Variants in EYS observed in about 807,000 individuals in gnomAD.
EYS encodes the protein protein eyes shut homolog.
In EYS, 250 loss-of-function variants were observed where a neutral mutation model predicts 282.1. That is an observed-to-expected ratio of 0.89 (90% confidence interval 0.80 to 0.98). The LOEUF (loss-of-function observed/expected upper bound fraction) is 0.98. EYS is among the 50% of genes least tolerant of loss of function. The probability of loss-of-function intolerance (pLI) is 0.00; values close to 1 mark genes in which losing one functional copy is unlikely to be tolerated. For synonymous variants in EYS, 1,355 were observed against 1,282.9 expected, an observed-to-expected ratio of 1.06 and a Z score of -1.20; for missense variants, 4,016 against 3,709.0, an observed-to-expected ratio of 1.08 and a Z score of -2.15.
At chr6:63,987,848 C>T (rs942031341) in intron 34 of EYS, among the ~76,000 whole-genome samples, 10 of 151,496 alleles carry the variant, frequency 6.6e-5, no homozygotes, top group South Asian at 4.1e-4. Flanking sequence ...TATACTAATA[C>T]GTGCTGTTTT....
intron 2 of EYS, among the ~76,000 whole-genome samples, chr6:65,589,714 T>C (rs1008026454): frequency 1.1e-4 from 16 of 152,106 alleles, no homozygotes; most frequent in Non-Finnish European, 2.4e-4. Context: ...ATCTTAAAAG[T>C]ACATATTAAT....
At chr6:64,052,482 C>T (rs577812355) in intron 33 of EYS, among the ~76,000 whole-genome samples, 3 of 152,036 alleles carry the variant, frequency 2.0e-5, no homozygotes, top group African/African-American at 7.2e-5. Context: ...CTAAACTTTC[C>T]TGCATTTATG....
chr6:65,064,180 T>C (rs1437339965), intron 12 of EYS, among the ~76,000 whole-genome samples: 2 of 143,474 alleles, frequency 1.4e-5, no homozygotes, highest in South Asian at 2.1e-4. Flanking sequence ...ATATAATATA[T>C]AGTATATATA....
intron 12 of EYS, among the ~76,000 whole-genome samples, chr6:65,230,487 C>CT (rs1158692168): frequency 6.6e-6 from 1 of 151,902 alleles, no homozygotes; most frequent in East Asian, 1.9e-4. Context: ...ATTTTAATAC[C>CT]TCTTTTTAAC....
chr6:64,755,762 G>T (rs1354230306), intron 22 of EYS, among the ~76,000 whole-genome samples: 1 of 152,082 alleles, frequency 6.6e-6, no homozygotes, highest in Non-Finnish European at 1.5e-5. Flanking sequence ...GGTGAGGGGG[G>T]TGAGGGATGA....
At chr6:64,319,048 T>C (rs1465006732) in intron 29 of EYS, among the ~76,000 whole-genome samples, 1 of 151,972 alleles carries the variant, frequency 6.6e-6, no homozygotes, top group Non-Finnish European at 1.5e-5. Context: ...TTAACCTTTC[T>C]TTTTACTTTT....
intron 12 of EYS, among the ~76,000 whole-genome samples, chr6:65,247,731 C>T (rs1048529656): frequency 6.6e-6 from 1 of 152,068 alleles, no homozygotes; most frequent in Admixed American, 6.6e-5. Context: ...TTTATGTTTC[C>T]TGTCTCACTT....
intron 28 of EYS, among the ~76,000 whole-genome samples, chr6:64,412,111 A>G (rs1773921605): frequency 1.3e-5 from 2 of 151,808 alleles, no homozygotes; most frequent in African/African-American, 4.8e-5. Flanking sequence ...AATAATATAG[A>G]ACATTTGAAA....
At chr6:65,190,363 G>A (rs1166629277) in intron 12 of EYS, among the ~76,000 whole-genome samples, 1 of 147,954 alleles carries the variant, frequency 6.8e-6, no homozygotes, top group Non-Finnish European at 1.5e-5. Context: ...ATATTACCTA[G>A]GCTATGTTCA....
intron 12 of EYS, among the ~76,000 whole-genome samples, chr6:65,245,726 T>A (rs1248172821): frequency 6.6e-6 from 1 of 151,984 alleles, no homozygotes; most frequent in Non-Finnish European, 1.5e-5. Flanking sequence ...ACTAGCAGGA[T>A]GTTTAGATAT....
At chr6:65,044,454 C>T (rs920091657) in intron 13 of EYS, among the ~76,000 whole-genome samples, 4 of 151,680 alleles carry the variant, frequency 2.6e-5, no homozygotes, top group African/African-American at 9.7e-5. Context: ...TATCCTTGCC[C>T]AATCCAATTT....
intron 30 of EYS, among the ~76,000 whole-genome samples, chr6:64,302,107 G>A (rs1360351166): frequency 2.0e-5 from 3 of 151,980 alleles, no homozygotes; most frequent in Non-Finnish European, 4.4e-5. Context: ...ACACACATTC[G>A]AGCCCACAGC....
chr6:65,349,788 G>GA (rs1053249236), intron 9 of EYS, among the ~76,000 whole-genome samples: 11 of 151,328 alleles, frequency 7.3e-5, no homozygotes, highest in African/African-American at 2.7e-4. Flanking sequence ...AAGGTTGAAA[G>GA]AAAAAACTAT....
At chr6:65,024,696 C>T (rs1772348155) in intron 13 of EYS, among the ~76,000 whole-genome samples, 1 of 152,012 alleles carries the variant, frequency 6.6e-6, no homozygotes, top group African/African-American at 2.4e-5. Flanking sequence ...AAATATGATT[C>T]CATTGTTTAA....
intron 31 of EYS, among the ~76,000 whole-genome samples, chr6:64,098,324 G>A (rs1772704589): frequency 6.6e-6 from 1 of 152,060 alleles, no homozygotes; most frequent in Non-Finnish European, 1.5e-5. Context: ...CTATAGAGCA[G>A]GGAAATAACT....
At chr6:64,500,010 G>A (rs1444860160) in intron 26 of EYS, among the ~76,000 whole-genome samples, 1 of 151,970 alleles carries the variant, frequency 6.6e-6, no homozygotes, top group Non-Finnish European at 1.5e-5. Flanking sequence ...GATAAAGAGG[G>A]CTTAAAAATC....
intron 19 of EYS, among the ~76,000 whole-genome samples, chr6:64,843,894 A>AC (rs1765641704): frequency 6.6e-6 from 1 of 152,108 alleles, no homozygotes; most frequent in Non-Finnish European, 1.5e-5. Flanking sequence ...CCATAATTCC[A>AC]CGTGTTGTGG....
Position 65,276,041 on chromosome 6 carries a change from G to A in EYS, c.2023+19822C>T, listed in dbSNP as rs764910191. ...AAAACCTCATTTCATGGCAAATGAA[G>A]TGATGCATTGGGCCCATGCTCATAG... On this transcript the variant is annotated intron_variant, in intron 12 of 42. Coordinates refer to ENST00000503581, the MANE Select transcript of EYS (RefSeq NM_001142800.2). Among the ~76,000 whole-genome samples the A allele has an allele frequency of 4.6e-5, 7 of 152,092 alleles. No homozygotes were observed. The East Asian group carries it at 1.4e-3, about 29-fold the overall frequency.
intron 30 of EYS, among the ~76,000 whole-genome samples, chr6:64,301,428 T>G (rs1769229425): frequency 6.6e-6 from 1 of 152,138 alleles, no homozygotes; most frequent in African/African-American, 2.4e-5. Context: ...AATTGTTTAT[T>G]TTTCCCACTA....
Sources: gnomAD v4.1 joint callset for allele counts (sites outside exome capture counted in the v4.1 genomes callset) on GRCh38, gnomAD v4.1.1 for gene constraint, MANE v1.5 for transcripts, NCBI Gene and HGNC (gene_info 2026-07-23, HGNC 2026-07-21) for gene names.